The following SCHIP1 variants were observed in gnomAD, a reference collection of about 807,000 sequenced individuals.
The protein encoded by SCHIP1 is schwannomin-interacting protein 1.
A neutral mutation model predicts 29.7 loss-of-function variants in SCHIP1; 8 were observed. The observed-to-expected ratio is 0.27, with a 90% CI of 0.16 to 0.49. The LOEUF is 0.49. Ranked by LOEUF, SCHIP1 falls within the 20% of genes least tolerant of loss-of-function variation. The probability of loss-of-function intolerance (pLI) is 0.99; values close to 1 mark genes in which losing one functional copy is unlikely to be tolerated. For synonymous variants in SCHIP1, 76 were observed against 94.9 expected (o/e 0.80, Z 1.16); for missense variants, 193 against 294.6 (o/e 0.66, Z 2.52).
the SCHIP1 span, among the ~76,000 whole-genome samples, chr3:159,668,605 G>A: frequency 6.6e-5 from 10 of 152,172 alleles, no homozygotes; most frequent in South Asian, 2.1e-4. Context: ...AAGATCACAC[G>A]CTCTGCTGGG....
chr3:159,456,365 T>C, the SCHIP1 span, among the ~76,000 whole-genome samples: 1,912 of 152,304 alleles, frequency 0.013, 16 homozygotes, highest in Non-Finnish European at 0.021. Context: ...TATATCGATC[T>C]TTTCATCTAT....
At chr3:159,850,085 G>A (rs191714036) in intron 1 of SCHIP1, among the ~76,000 whole-genome samples, 5 of 152,292 alleles carry the variant, frequency 3.3e-5, no homozygotes, top group Non-Finnish European at 7.4e-5. Flanking sequence ...TCATCATATA[G>A]CGTACTAGGT....
At chr3:159,688,624 G>A in the SCHIP1 span, among the ~76,000 whole-genome samples, 2 of 152,098 alleles carry the variant, frequency 1.3e-5, no homozygotes, top group African/African-American at 4.8e-5. Flanking sequence ...TGTCAGTTTT[G>A]CCTTTTGTTG....
chr3:159,720,390 A>G, the SCHIP1 span, among the ~76,000 whole-genome samples: 2 of 152,102 alleles, frequency 1.3e-5, no homozygotes, highest in Non-Finnish European at 2.9e-5. Flanking sequence ...ATAAAAAAAA[A>G]TTAAAAATAA....
At chr3:159,785,977 TTTC>T in the SCHIP1 span, among the ~76,000 whole-genome samples, 1 of 152,246 alleles carries the variant, frequency 6.6e-6, no homozygotes, top group African/African-American at 2.4e-5. Context: ...GTATGTGTAT[TTTC>T]TTTTTTGTTG....
chr3:159,643,732 G>A, the SCHIP1 span, among the ~76,000 whole-genome samples: 2 of 152,028 alleles, frequency 1.3e-5, no homozygotes, highest in Non-Finnish European at 2.9e-5. Flanking sequence ...CATTTTCTCT[G>A]ACTCATTTTT....
the SCHIP1 span, among the ~76,000 whole-genome samples, chr3:159,421,079 C>A: frequency 6.6e-6 from 1 of 152,148 alleles, no homozygotes; most frequent in Admixed American, 6.5e-5. Context: ...AGACCATGAC[C>A]AAGATATTGA....
chr3:159,458,001 A>G, the SCHIP1 span, among the ~76,000 whole-genome samples: 1 of 152,226 alleles, frequency 6.6e-6, no homozygotes, highest in Non-Finnish European at 1.5e-5. Flanking sequence ...GCAAAAATAT[A>G]TTAAACCTCA....
At chr3:159,640,800 G>A in the SCHIP1 span, among the ~76,000 whole-genome samples, 1 of 152,268 alleles carries the variant, frequency 6.6e-6, no homozygotes, top group East Asian at 1.9e-4. Flanking sequence ...CCACCATGGG[G>A]ATTGATAGAT....
At chr3:159,633,004 G>C in the SCHIP1 span, among the ~76,000 whole-genome samples, 1 of 152,146 alleles carries the variant, frequency 6.6e-6, no homozygotes, top group Non-Finnish European at 1.5e-5. Context: ...CAGGGAATAA[G>C]CACCAACAGT....
At chr3:159,636,559 T>G in the SCHIP1 span, among the ~76,000 whole-genome samples, 4 of 152,220 alleles carry the variant, frequency 2.6e-5, no homozygotes, top group Admixed American at 6.5e-5. Flanking sequence ...TAAAGGAATG[T>G]GATTTTTATC....
At chr3:159,493,443 G>T in the SCHIP1 span, among the ~76,000 whole-genome samples, 84 of 152,230 alleles carry the variant, frequency 5.5e-4, no homozygotes, top group Middle Eastern at 6.8e-3. Flanking sequence ...AAAGGCAGGG[G>T]TTGCAATCCT....
the SCHIP1 span, among the ~76,000 whole-genome samples, chr3:159,521,502 G>C: frequency 2.0e-5 from 3 of 152,354 alleles, no homozygotes; most frequent in East Asian, 1.9e-4. Context: ...CTGGAGCTGA[G>C]AGGGGTTGCC....
At chr3:159,805,928 C>T in the SCHIP1 span, among the ~76,000 whole-genome samples, 2 of 151,942 alleles carry the variant, frequency 1.3e-5, no homozygotes, top group African/African-American at 4.8e-5. Flanking sequence ...CCTGCCTCAG[C>T]GTCCCGAGTA....
At chr3:159,345,226 C>CAAAAAAAA in the SCHIP1 span, among the ~76,000 whole-genome samples, 1 of 117,284 alleles carries the variant, frequency 8.5e-6, no homozygotes, top group Non-Finnish European at 1.7e-5. Flanking sequence ...GACTCTGTCT[C>CAAAAAAAA]AAAAAAAAAA....
At chr3:159,788,207 C>A in the SCHIP1 span, among the ~76,000 whole-genome samples, 18 of 152,106 alleles carry the variant, frequency 1.2e-4, no homozygotes, top group African/African-American at 4.1e-4. Flanking sequence ...CAGGAAAGCA[C>A]CTTCTTTAGA....
chr3:159,657,084 C>G, the SCHIP1 span, among the ~76,000 whole-genome samples: 1 of 152,170 alleles, frequency 6.6e-6, no homozygotes, highest in Non-Finnish European at 1.5e-5. Flanking sequence ...ATGGTTTCCC[C>G]TGTACTACCA....
At chr3:159,885,070 T>A (rs1716831457) in intron 2 of SCHIP1, among the ~76,000 whole-genome samples, 1 of 152,216 alleles carries the variant, frequency 6.6e-6, no homozygotes, top group Admixed American at 6.5e-5. Context: ...TTGTTTTCAA[T>A]AAAAGAATCA....
At chr3:159,873,930 CTAAT>C (rs1325374489) in intron 2 of SCHIP1, among the ~76,000 whole-genome samples, 2 of 152,128 alleles carry the variant, frequency 1.3e-5, no homozygotes, top group Non-Finnish European at 2.9e-5. Context: ...ATTGGCCAAA[CTAAT>C]TATCAGTTAG....
Sources: gnomAD v4.1 joint callset for allele counts (sites outside exome capture counted in the v4.1 genomes callset) on GRCh38, gnomAD v4.1.1 for gene constraint, MANE v1.5 for transcripts, NCBI Gene and HGNC (gene_info 2026-07-23, HGNC 2026-07-21) for gene names.